The following ZFAND3 variants were observed in gnomAD, a reference collection of about 807,000 sequenced individuals.
The protein encoded by ZFAND3 is AN1-type zinc finger protein 3.
Under a neutral mutation model 29.6 loss-of-function variants are expected in ZFAND3, and 10 were observed. The ratio of observed to expected loss-of-function variants is 0.34; its 90% CI spans 0.21 to 0.57. The LOEUF is 0.57. Among genes scored for constraint, ZFAND3 ranks in the 20% least tolerant of loss-of-function variants. The probability of loss-of-function intolerance (pLI) is 0.86; values close to 1 mark genes in which losing one functional copy is unlikely to be tolerated. For synonymous variants in ZFAND3, 128 were observed against 112.6 expected, an observed-to-expected ratio of 1.14 and a Z score of -0.87; for missense variants, 230 against 304.5, an observed-to-expected ratio of 0.76 and a Z score of 1.82.
chr6:38,124,340 C>T (rs1434727735), intron 5 of ZFAND3, among the ~76,000 whole-genome samples: 1 of 152,236 alleles, frequency 6.6e-6, no homozygotes, highest in Non-Finnish European at 1.5e-5. Context: ...ATCCTCAGCC[C>T]TTGGGCAGTT....
At chr6:37,834,296 A>C (rs57269218) in intron 1 of ZFAND3, among the ~76,000 whole-genome samples, 10,229 of 152,250 alleles carry the variant, frequency 0.067, 412 homozygotes, top group Non-Finnish European at 0.085. Context: ...TATAGTAATA[A>C]GCATTTAAGT....
At chr6:38,109,196 T>C (rs1321778452) in intron 4 of ZFAND3, among the ~76,000 whole-genome samples, 1 of 150,540 alleles carries the variant, frequency 6.6e-6, no homozygotes, top group Non-Finnish European at 1.5e-5. Flanking sequence ...TTTTTTTTTT[T>C]TCTTGAGACA....
intron 1 of ZFAND3, among the ~76,000 whole-genome samples, chr6:37,929,094 A>G (rs146553856): frequency 5.9e-5 from 9 of 152,330 alleles, no homozygotes; most frequent in African/African-American, 2.2e-4. Flanking sequence ...TTGGAACACT[A>G]AGCATGTGGG....
intron 2 of ZFAND3, among the ~76,000 whole-genome samples, chr6:37,977,341 G>A (rs558877051): frequency 1.7e-4 from 26 of 152,184 alleles, no homozygotes; most frequent in African/African-American, 5.1e-4. Context: ...TCGCTCTGTC[G>A]CCCAGGCTGG....
At chr6:37,907,996 G>A (rs1326420648) in intron 1 of ZFAND3, among the ~76,000 whole-genome samples, 1 of 152,066 alleles carries the variant, frequency 6.6e-6, no homozygotes, top group Non-Finnish European at 1.5e-5. Context: ...CTACTTTATA[G>A]TCCATATTGA....
At chr6:37,962,135 T>C (rs1299742340) in intron 2 of ZFAND3, among the ~76,000 whole-genome samples, 1 of 152,198 alleles carries the variant, frequency 6.6e-6, no homozygotes, top group Admixed American at 6.5e-5. Flanking sequence ...GAATTCAGAA[T>C]TATATCAGAT....
rs113061455 is a variant in ZFAND3 at position 37,891,416 on chromosome 6, T to TCCC, written c.72-38535_72-38533dup. On this transcript the variant is annotated intron_variant, in intron 1 of 5. Transcript: ENST00000287218. Reference sequence around the variant, plus strand: ...TTTGACAAATAGTTGGAGATTTCAGTCCCCCCCCCCGCCTTTAAAATACAA... The same window carrying TCCC: ...TTTGACAAATAGTTGGAGATTTCAGTCCCCCCCCCCCCCGCCTTTAAAATACAA... Among the ~76,000 whole-genome samples, 1,071 of 116,920 alleles carry TCCC rather than the reference T, an allele frequency of 9.2e-3. 66 individuals are homozygous for TCCC. The highest frequency in any genetic ancestry group is 0.028 in the African/African-American group (738 of 26,020). The allele number at this position is 116,920 out of a possible 152,430, so 76.7% of individuals were successfully genotyped here. A position where few individuals can be genotyped will look rare whatever the true frequency, so the allele number is the denominator to read the frequency against.
At chr6:37,902,206 TG>T (rs1765330621) in intron 1 of ZFAND3, among the ~76,000 whole-genome samples, 1 of 151,994 alleles carries the variant, frequency 6.6e-6, no homozygotes, top group South Asian at 2.1e-4. Context: ...CCCAGGACAT[TG>T]GGAGGCCAAG....
chr6:38,095,838 C>T (rs1764966340), intron 4 of ZFAND3, among the ~76,000 whole-genome samples: 1 of 152,060 alleles, frequency 6.6e-6, no homozygotes, highest in African/African-American at 2.4e-5. Context: ...TGGAGACCAG[C>T]CTGGGCAACA....
chr6:37,907,887 CTT>C (rs990715470), intron 1 of ZFAND3, among the ~76,000 whole-genome samples: 1 of 152,132 alleles, frequency 6.6e-6, no homozygotes, highest in Non-Finnish European at 1.5e-5. Flanking sequence ...TACTTTATCT[CTT>C]ATGTATTTCA....
rs112739908 is a variant in ZFAND3, at chr6:37,834,752, A to G, written c.71+14736A>G. 4.9e-4 allele frequency among the ~76,000 whole-genome samples: 72 copies of G among 146,460 alleles called. 1 individual carries two copies. The highest frequency in any genetic ancestry group is 1.1e-3 in the African/African-American group (41 of 36,110). On this transcript the variant is annotated intron_variant, in intron 1 of 5. Transcript: ENST00000287218. ...CTCATATGCATATATCATTATGCATATATAATGATATATGCTCATATATGC... is the reference window on the plus strand; with the variant it reads ...CTCATATGCATATATCATTATGCATGTATAATGATATATGCTCATATATGC...
intron 1 of ZFAND3, among the ~76,000 whole-genome samples, chr6:37,886,770 G>A (rs373578043): frequency 1.5e-4 from 23 of 152,162 alleles, no homozygotes; most frequent in Admixed American, 7.9e-4. Flanking sequence ...CAAGGTGGGC[G>A]CATCACTTGA....
chr6:38,120,637 T>G (rs952654597), intron 5 of ZFAND3, among the ~76,000 whole-genome samples: 1 of 152,166 alleles, frequency 6.6e-6, no homozygotes, highest in Admixed American at 6.5e-5. Context: ...TCTTGGCTTC[T>G]TAATCACTGT....
chr6:38,060,891 G>A (rs964673043), intron 2 of ZFAND3, among the ~76,000 whole-genome samples: 11 of 151,958 alleles, frequency 7.2e-5, no homozygotes, highest in African/African-American at 2.4e-4. Context: ...CAGAACCATC[G>A]TATATGGAAA....
At chr6:38,030,290 G>GTGT (rs1354362410) in intron 2 of ZFAND3, among the ~76,000 whole-genome samples, 1 of 151,398 alleles carries the variant, frequency 6.6e-6, no homozygotes, top group Non-Finnish European at 1.5e-5. Flanking sequence ...GCTTCCCAAA[G>GTGT]TGTTGGGATT....
intron 1 of ZFAND3, among the ~76,000 whole-genome samples, chr6:37,832,761 C>T (rs560767079): frequency 1.3e-5 from 2 of 152,130 alleles, no homozygotes; most frequent in African/African-American, 2.4e-5. Context: ...ACTGTAGCCT[C>T]GAACTCCTGG....
chr6:38,102,409 C>T (rs924447306), intron 4 of ZFAND3, among the ~76,000 whole-genome samples: 1 of 151,990 alleles, frequency 6.6e-6, no homozygotes, highest in Non-Finnish European at 1.5e-5. Flanking sequence ...CATCTTTACC[C>T]ATTTCCCCAC....
intron 5 of ZFAND3, among the ~76,000 whole-genome samples, chr6:38,130,886 C>T (rs539671375): frequency 7.4e-4 from 113 of 152,220 alleles, no homozygotes; most frequent in African/African-American, 2.6e-3. Flanking sequence ...AGGATTAGTA[C>T]CAACTCTTCT....
intron 3 of ZFAND3, among the ~76,000 whole-genome samples, chr6:38,067,917 A>G (rs1764377672): frequency 6.6e-6 from 1 of 152,276 alleles, no homozygotes; most frequent in South Asian, 2.1e-4. Context: ...TCCCACTAGC[A>G]TATTGAATGG....
Sources: allele counts gnomAD v4.1 joint callset (sites outside exome capture counted in the v4.1 genomes callset), GRCh38; gene constraint gnomAD v4.1.1; transcripts MANE v1.5; gene names NCBI Gene and HGNC (gene_info 2026-07-23, HGNC 2026-07-21).